Variants in JMY observed in about 807,000 individuals in gnomAD.
JMY encodes junction mediating and regulatory protein, p53 cofactor.
A neutral mutation model predicts 103.3 loss-of-function variants in JMY; 46 were observed. The observed-to-expected ratio is 0.45, with a 90% CI of 0.35 to 0.57. The LOEUF (loss-of-function observed/expected upper bound fraction) is 0.57, where lower values mean the gene tolerates loss of function less well. Among genes scored for constraint, JMY ranks in the 20% least tolerant of loss-of-function variants. The pLI is 0.00. For missense variants in JMY, 1,238 were observed against 1,255.2 expected (o/e 0.99, Z 0.21); for synonymous variants, 526 against 489.3 (o/e 1.07, Z -0.99).
At chr5:79,257,888 G>C (rs1278147924) in intron 1 of JMY, among the ~76,000 whole-genome samples, 1 of 151,968 alleles carries the variant, frequency 6.6e-6, no homozygotes, top group Non-Finnish European at 1.5e-5. Flanking sequence ...TCAGCCTCCT[G>C]AGTAGCTGGG....
intron 2 of JMY, among the ~76,000 whole-genome samples, chr5:79,280,135 C>T (rs1036210462): frequency 1.3e-5 from 2 of 152,114 alleles, no homozygotes; most frequent in Non-Finnish European, 2.9e-5. Context: ...TGAGCCACTG[C>T]CCAGCCTGGA....
chr5:79,295,842 A>G (rs915733631), intron 4 of JMY, among the ~76,000 whole-genome samples: 1 of 152,212 alleles, frequency 6.6e-6, no homozygotes. Context: ...TGCACACTAT[A>G]TATTTCAAAG....
chr5:79,269,188 G>A (rs1745671304), intron 1 of JMY, among the ~76,000 whole-genome samples: 1 of 152,146 alleles, frequency 6.6e-6, no homozygotes, highest in Admixed American at 6.6e-5. Flanking sequence ...CAAGGTCTGT[G>A]TCTAGATTCT....
chr5:79,249,892 C>T (rs919456964), intron 1 of JMY, among the ~76,000 whole-genome samples: 4 of 152,270 alleles, frequency 2.6e-5, no homozygotes, highest in Admixed American at 1.3e-4. Context: ...TCATACCTCA[C>T]TTCTACTTTC....
In JMY at chr5:79,322,112, T is replaced by G. The variant is rs1411999541; in HGVS notation, c.*510T>G. 1 of 152,194 alleles carries G rather than the reference T, an allele frequency of 6.6e-6. No homozygotes were observed. The highest frequency in any genetic ancestry group is 1.5e-5 in the Non-Finnish European group (1 of 68,026). The allele number at this position is 152,194 out of a possible 1,614,324, so 9.4% of individuals were successfully genotyped here. A position where few individuals can be genotyped will look rare whatever the true frequency, so the allele number is the denominator to read the frequency against. The stretch of plus-strand genomic sequence containing the variant: ...GATAGCTGTAAGTCAGGCATTAAAA[T>G]CAAATGGAAATACACCTAAAATGTC... On this transcript the variant is annotated 3_prime_UTR_variant, in exon 11 of 11. Transcript: ENST00000396137.
At chr5:79,271,252 G>A (rs910202433) in intron 1 of JMY, among the ~76,000 whole-genome samples, 1 of 151,274 alleles carries the variant, frequency 6.6e-6, no homozygotes, top group African/African-American at 2.4e-5. Context: ...GGCTGGCCTT[G>A]AATTCCTGAG....
intron 1 of JMY, among the ~76,000 whole-genome samples, chr5:79,249,719 A>T (rs1310884238): frequency 2.6e-5 from 4 of 152,170 alleles, no homozygotes; most frequent in Non-Finnish European, 5.9e-5. Context: ...ACCATTCCCC[A>T]GTTACTCTAT....
rs190446551 is a variant in JMY at position 79,300,222 on chromosome 5, C to G, written c.1597C>G (p.Leu533Val). Residue 533 changes from leucine to valine, a missense_variant, in exon 5 of 11, where the codon CTG becomes GTG. By Grantham distance (32) the Leu-to-Val change is conservative. Coordinates refer to ENST00000396137, the MANE Select transcript of JMY (RefSeq NM_152405.5). Reference protein sequence around the residue: ...LDQLEADYYDLQLQLYEVQFE... With the variant: ...LDQLEADYYDVQLQLYEVQFE... Reference sequence around the variant, plus strand: ...TCAGTTAGAAGCTGATTATTATGATCTGCAACTTCAGTTGTATGAAGTACA... The same window carrying G: ...TCAGTTAGAAGCTGATTATTATGATGTGCAACTTCAGTTGTATGAAGTACA... The G allele has an allele frequency of 9.3e-5, 150 of 1,607,780 alleles. No homozygotes were observed. The African/African-American group carries it at 1.9e-3, about 21-fold the overall frequency.
chr5:79,268,182 G>T (rs1745639432), intron 1 of JMY, among the ~76,000 whole-genome samples: 1 of 152,192 alleles, frequency 6.6e-6, no homozygotes, highest in Admixed American at 6.5e-5. Context: ...GTTCCAGGCT[G>T]CAGGGAGTTA....
chr5:79,255,799 G>A (rs191663614), intron 1 of JMY, among the ~76,000 whole-genome samples: 2 of 152,324 alleles, frequency 1.3e-5, no homozygotes, highest in East Asian at 3.9e-4. Context: ...TTCTCTCTCT[G>A]TTCTGAGCCA....
intron 4 of JMY, among the ~76,000 whole-genome samples, chr5:79,293,763 CTG>C (rs1424427071): frequency 6.6e-6 from 1 of 152,170 alleles, no homozygotes; most frequent in Non-Finnish European, 1.5e-5. Context: ...GCTGAAAATA[CTG>C]TGTTTTTAGC....
At chr5:79,259,812 A>AG (rs1745363900) in intron 1 of JMY, among the ~76,000 whole-genome samples, 1 of 152,212 alleles carries the variant, frequency 6.6e-6, no homozygotes, top group Admixed American at 6.5e-5. Flanking sequence ...CCGAGCCTGC[A>AG]GGGGCAAGGT....
chr5:79,274,655 C>G (rs1349577637), intron 1 of JMY, among the ~76,000 whole-genome samples: 2 of 152,286 alleles, frequency 1.3e-5, no homozygotes, highest in East Asian at 3.9e-4. Context: ...ATCTGCCTGC[C>G]TTTGCCTCCC....
chr5:79,266,863 G>T (rs1745601111), intron 1 of JMY, among the ~76,000 whole-genome samples: 1 of 152,138 alleles, frequency 6.6e-6, no homozygotes, highest in Admixed American at 6.5e-5. Context: ...CAAAAAATAG[G>T]TGTCAGCAGG....
chr5:79,270,731 C>T (rs1197698923), intron 1 of JMY, among the ~76,000 whole-genome samples: 1 of 145,320 alleles, frequency 6.9e-6, no homozygotes, highest in African/African-American at 2.5e-5. Flanking sequence ...AATATATATA[C>T]ACCATAAATA....
intron 1 of JMY, among the ~76,000 whole-genome samples, chr5:79,273,716 T>C (rs1745850689): frequency 6.6e-6 from 1 of 152,222 alleles, no homozygotes; most frequent in Non-Finnish European, 1.5e-5. Flanking sequence ...CTAGGATTGC[T>C]TGAATCCAAG....
rs934578765 is a variant in JMY at position 79,237,089 on chromosome 5, A to C, written c.439A>C (p.Lys147Gln). Residue 147 changes from lysine to glutamine, a missense_variant, in exon 1 of 11, where the codon AAA becomes CAA. Coordinates refer to ENST00000396137, the MANE Select transcript of JMY (RefSeq NM_152405.5). ...TCGTCTTAGGAGCCCAGTGCGGGCC[A>C]AACCCATCCCGGGTCAGAAAACATC... ...ESRLRSPVRA[K>Q]PIPGQKTSEA... 30 of 1,546,966 alleles carry C rather than the reference A, an allele frequency of 1.9e-5. No individual in the cohort carries two copies. The highest frequency in any genetic ancestry group is 2.5e-5 in the Non-Finnish European group (29 of 1,144,774).
At chr5:79,282,032 T>C (rs914382002) in intron 2 of JMY, among the ~76,000 whole-genome samples, 3 of 152,028 alleles carry the variant, frequency 2.0e-5, no homozygotes, top group South Asian at 2.1e-4. Flanking sequence ...GGTGAAACCC[T>C]GTCTCTACTA....
rs774099637 is a variant in JMY, at chr5:79,237,280, C to G, written c.630C>G (p.Asp210Glu). 9 of 1,553,626 alleles carry G rather than the reference C, an allele frequency of 5.8e-6. No homozygotes were observed. Among genetic ancestry groups the G allele is most frequent in the Non-Finnish European group, 6.1e-6 (7 of 1,148,612 alleles). ...ACGAGGCACCTCTGGCGCTCTCGGA[C>G]GCGGAGCAGCCGCCGCCCGCCACCG... ...KEDEAPLALS[D>E]AEQPPPATEL... is the part of the protein sequence containing the mutation. Residue 210 changes from aspartate to glutamate, a missense_variant, in exon 1 of 11, where the codon GAC (aspartate) becomes GAG (glutamate). Coordinates refer to ENST00000396137, the MANE Select transcript of JMY (RefSeq NM_152405.5).
Sources: gnomAD v4.1 joint callset for allele counts (sites outside exome capture counted in the v4.1 genomes callset) on GRCh38, gnomAD v4.1.1 for gene constraint, MANE v1.5 for transcripts, NCBI Gene and HGNC (gene_info 2026-07-23, HGNC 2026-07-21) for gene names.